Variants in PRRC2C observed in about 807,000 individuals in gnomAD.
PRRC2C encodes protein PRRC2C.
PRRC2C carries 72 observed loss-of-function variants against 317.2 expected under a neutral mutation model. The observed-to-expected ratio is 0.23, with a 90% CI of 0.19 to 0.28. The LOEUF is 0.28. PRRC2C is among the 10% of genes least tolerant of loss of function. The pLI, the probability that PRRC2C is intolerant of heterozygous loss-of-function variation, is 1.00. For missense variants in PRRC2C, 3,074 were observed against 3,459.7 expected (o/e 0.89, Z 2.80); for synonymous variants, 1,296 against 1,205.9 (o/e 1.07, Z -1.55).
At chr1:171,535,967 T>C in intron 13 of PRRC2C, 62 bp from the exon 14 acceptor site, 1 of 1,523,466 alleles carries the variant, frequency 6.6e-7, no homozygotes, top group Non-Finnish European at 8.9e-7. Flanking sequence ...TGTGATATGA[T>C]TGATTATGTT....
chr1:171,523,535 A>G lies in PRRC2C; in HGVS notation c.1055+13A>G, dbSNP rs1374431182. ...AAGAGAATAACAGGTAAGTTGTGAT[A>G]TCTTTTACTAATAACAGTATGAATT... is the stretch of plus-strand genomic sequence containing the variant. On this transcript the variant is annotated intron_variant, in intron 9 of 34. Coordinates refer to ENST00000647382, the MANE Select transcript of PRRC2C (RefSeq NM_001387844.1). The G allele has an allele frequency of 7.6e-6, 12 of 1,577,856 alleles. No individual in the cohort carries two copies. Among genetic ancestry groups the G allele is most frequent in the Non-Finnish European group, 1.0e-5 (12 of 1,151,150 alleles).
chr1:171,584,009 C>T lies in PRRC2C; in HGVS notation c.7463C>T (p.Ser2488Phe). 6.2e-7 allele frequency: 1 copy of T among 1,614,028 alleles called. No homozygotes were observed. The highest frequency in any genetic ancestry group is 8.5e-7 in the Non-Finnish European group (1 of 1,179,880). ...SSLSQPSVVLSGTAIHNFPTV... is the reference protein window; with the variant it reads ...SSLSQPSVVLFGTAIHNFPTV... The stretch of plus-strand genomic sequence containing the variant: ...TTATCCCAGCCATCTGTGGTCCTTT[C>T]TGGTACTGCTATTCACAACTTTCCA... Residue 2488 changes from serine to phenylalanine, a missense_variant, in exon 29 of 35, where the codon TCT (serine) becomes TTT (phenylalanine). Physicochemically the swap from Ser to Phe is radical, Grantham distance 155. Transcript: ENST00000647382.
chr1:171,585,822 C>T (rs1649759921), intron 30 of PRRC2C, among the ~76,000 whole-genome samples: 1 of 152,044 alleles, frequency 6.6e-6, no homozygotes, highest in African/African-American at 2.4e-5. Context: ...GTGTCTCTTA[C>T]CGAAATGCTT....
chr1:171,560,944 G>A lies in PRRC2C; in HGVS notation c.6032-74G>A, dbSNP rs534159293. On this transcript the variant is annotated intron_variant, in intron 19 of 34. Transcript: ENST00000647382. ...TAATAGCTACACAGTAGGAGATTAAGGAAAGGGTTAAATGGGTTAGAGATT... is the reference window on the plus strand; with the variant it reads ...TAATAGCTACACAGTAGGAGATTAAAGAAAGGGTTAAATGGGTTAGAGATT... The A allele has an allele frequency of 2.9e-5, 35 of 1,211,082 alleles. No individual in the cohort carries two copies. The African/African-American group carries it at 4.5e-4, about 15-fold the overall frequency. 75.0% of individuals were successfully genotyped at this position (1,211,082 alleles called of 1,614,324 possible).
At chr1:171,487,033 C>A (rs945048817) in intron 1 of PRRC2C, among the ~76,000 whole-genome samples, 2 of 152,180 alleles carry the variant, frequency 1.3e-5, no homozygotes, top group Admixed American at 6.5e-5. Flanking sequence ...AATAGTAATT[C>A]TCTCCTTTTC....
intron 1 of PRRC2C, among the ~76,000 whole-genome samples, chr1:171,508,756 C>G (rs1399830515): frequency 1.3e-5 from 2 of 152,160 alleles, no homozygotes; most frequent in Non-Finnish European, 2.9e-5. Context: ...TAACATTTCT[C>G]TAGTGAATTG....
intron 9 of PRRC2C, 31 bp downstream of exon 9, chr1:171,523,553 T>G (rs753710731): frequency 1.3e-6 from 2 of 1,524,506 alleles, no homozygotes; most frequent in Non-Finnish European, 1.8e-6. Flanking sequence ...CTAATAACAG[T>G]ATGAATTTGT....
chr1:171,524,766 G>T, intron 9 of PRRC2C, 55 bp from the exon 10 acceptor site: 1 of 1,470,834 alleles, frequency 6.8e-7, no homozygotes, highest in East Asian at 2.5e-5. Context: ...AAAATAATGT[G>T]TGTACTTATG....
intron 24 of PRRC2C, among the ~76,000 whole-genome samples, chr1:171,573,823 C>T (rs542465682): frequency 3.3e-5 from 5 of 151,644 alleles, no homozygotes; most frequent in South Asian, 2.1e-4. Context: ...GATTTACAGG[C>T]GCACACCACG....
chr1:171,560,993 G>T (rs762834824), intron 19 of PRRC2C, 25 bp from the exon 20 acceptor site: 71 of 1,534,720 alleles, frequency 4.6e-5, no homozygotes. Flanking sequence ...TCTTAATCAT[G>T]TTTTTTATGG....
Position 171,524,918 on chromosome 1 carries a change from CCAT to C in PRRC2C, c.1156_1158del (p.Ser386del). 1 of 1,611,398 alleles carries C rather than the reference CCAT, an allele frequency of 6.2e-7. No homozygotes were observed. Among genetic ancestry groups the C allele is most frequent in the African/African-American group, 1.3e-5 (1 of 74,944 alleles). On this transcript the variant is annotated inframe_deletion, in exon 10 of 35. Coordinates refer to ENST00000647382, the MANE Select transcript of PRRC2C (RefSeq NM_001387844.1). ...ATCATCTTCCCAAATACCTGCCCAA[CCAT>C]CAGTAGCAAAAGTTCCCTATGGGAA...
At chr1:171,499,099 G>C (rs559184224) in intron 1 of PRRC2C, among the ~76,000 whole-genome samples, 1 of 152,160 alleles carries the variant, frequency 6.6e-6, no homozygotes, top group Non-Finnish European at 1.5e-5. Flanking sequence ...CTTGAGCCAT[G>C]ACACTCAGCC....
chr1:171,576,346 A>G (rs573435099), intron 25 of PRRC2C, among the ~76,000 whole-genome samples: 1 of 152,212 alleles, frequency 6.6e-6, no homozygotes, highest in East Asian at 1.9e-4. Context: ...GACTAGGATA[A>G]TTTTTTTAAC....
intron 18 of PRRC2C, among the ~76,000 whole-genome samples, chr1:171,555,161 CT>C (rs1445327651): frequency 1.3e-5 from 2 of 152,112 alleles, no homozygotes; most frequent in Non-Finnish European, 2.9e-5. Flanking sequence ...TTGTTCGTTT[CT>C]TTTTACTCTT....
intron 16 of PRRC2C, among the ~76,000 whole-genome samples, chr1:171,545,051 G>A (rs187435088): frequency 5.1e-4 from 78 of 152,180 alleles, no homozygotes; most frequent in Admixed American, 3.3e-4. Context: ...TTTTTTAAAT[G>A]TACATAGTTG....
At chr1:171,516,968 C>G in intron 5 of PRRC2C, among the ~76,000 whole-genome samples, 1 of 152,224 alleles carries the variant, frequency 6.6e-6, no homozygotes, top group African/African-American at 2.4e-5. Context: ...CTACAGGTTA[C>G]ACAGACCAAC....
intron 28 of PRRC2C, among the ~76,000 whole-genome samples, chr1:171,580,457 C>T (rs1648291254): frequency 6.6e-6 from 1 of 152,154 alleles, no homozygotes; most frequent in Admixed American, 6.5e-5. Flanking sequence ...AAAATTCACT[C>T]AGATGCACTG....
At chr1:171,569,795 C>T (rs983292497) in intron 23 of PRRC2C, among the ~76,000 whole-genome samples, 1 of 150,726 alleles carries the variant, frequency 6.6e-6, no homozygotes, top group Non-Finnish European at 1.5e-5. Flanking sequence ...AATATTTCTA[C>T]GATAGTGGTT....
At chr1:171,534,069 T>G (rs780772067) in intron 12 of PRRC2C, among the ~76,000 whole-genome samples, 4 of 152,192 alleles carry the variant, frequency 2.6e-5, no homozygotes, top group Non-Finnish European at 5.9e-5. Flanking sequence ...ATAATAAGAA[T>G]GTGTTTTTAA....
Sources: allele counts gnomAD v4.1 joint callset (sites outside exome capture counted in the v4.1 genomes callset), GRCh38; gene constraint gnomAD v4.1.1; transcripts MANE v1.5; gene names NCBI Gene and HGNC (gene_info 2026-07-23, HGNC 2026-07-21).